Variants in TNPO1 observed in about 807,000 individuals in gnomAD.
TNPO1 encodes transportin-1.
In TNPO1, 8 loss-of-function variants were observed where a neutral mutation model predicts 119.5. That is an observed-to-expected ratio of 0.07 (90% CI 0.04 to 0.12). The LOEUF (loss-of-function observed/expected upper bound fraction) is 0.12. Among genes scored for constraint, TNPO1 ranks in the 10% least tolerant of loss-of-function variants. The probability of loss-of-function intolerance (pLI) is 1.00; values close to 1 mark genes in which losing one functional copy is unlikely to be tolerated. For missense variants in TNPO1, 576 were observed against 1,089.8 expected (o/e 0.53, Z 6.64); for synonymous variants, 362 against 363.0 (o/e 1.00, Z 0.03).
chr5:72,867,109 G>A (rs1746962951), intron 6 of TNPO1, among the ~76,000 whole-genome samples: 1 of 151,550 alleles, frequency 6.6e-6, no homozygotes, highest in South Asian at 2.1e-4. Flanking sequence ...TTGAACCCAG[G>A]AATTCAAGGC....
intron 7 of TNPO1, among the ~76,000 whole-genome samples, chr5:72,873,247 C>T (rs749609890): frequency 3.3e-5 from 5 of 152,090 alleles, no homozygotes. Context: ...ATTTTCTGGC[C>T]AGGAACCATA....
intron 7 of TNPO1, among the ~76,000 whole-genome samples, chr5:72,873,644 T>C (rs1266975222): frequency 1.3e-5 from 2 of 152,154 alleles, no homozygotes; most frequent in Non-Finnish European, 2.9e-5. Flanking sequence ...AGGTGTTTTC[T>C]TTCAGTCTAG....
At chr5:72,876,910 C>T (rs920351671) in intron 8 of TNPO1, among the ~76,000 whole-genome samples, 8 of 151,634 alleles carry the variant, frequency 5.3e-5, no homozygotes, top group African/African-American at 1.9e-4. Context: ...CTGGCTAACA[C>T]GGTGAAACCC....
At chr5:72,839,498 C>G (rs1207280020) in intron 1 of TNPO1, among the ~76,000 whole-genome samples, 1 of 152,138 alleles carries the variant, frequency 6.6e-6, no homozygotes, top group Non-Finnish European at 1.5e-5. Flanking sequence ...TTTTCTGTCA[C>G]TGTTAAATTA....
chr5:72,896,490 A>G lies in TNPO1; in HGVS notation c.2176A>G (p.Asn726Asp). Residue 726 changes from asparagine (N) to aspartate (D), a missense_variant, in exon 19 of 25, where the codon AAT becomes GAT. By Grantham distance (23) the Asn-to-Asp change is conservative. This residue lies in a region of TNPO1 where 162 missense variants were observed against 294.1 expected (regional missense o/e 0.55). Transcript: ENST00000337273. ...DFMPILGTNL[N>D]PEFISVCNNA... ...CATGCCAATATTGGGAACCAACCTA[A>G]ATCCAGAATTCATTTCAGTCTGCAA... is the stretch of plus-strand genomic sequence containing the variant. 6.2e-7 allele frequency: 1 copy of G among 1,612,180 alleles called. No homozygotes were observed. The highest frequency in any genetic ancestry group is 1.3e-5 in the African/African-American group (1 of 74,970).
chr5:72,850,545 G>A (rs758609894), intron 2 of TNPO1, among the ~76,000 whole-genome samples: 1 of 152,200 alleles, frequency 6.6e-6, no homozygotes, highest in Non-Finnish European at 1.5e-5. Flanking sequence ...CAATTGGGAA[G>A]CATGTTAGTT....
intron 1 of TNPO1, among the ~76,000 whole-genome samples, chr5:72,822,268 A>G (rs1743995174): frequency 6.6e-6 from 1 of 152,216 alleles, no homozygotes; most frequent in African/African-American, 2.4e-5. Context: ...GCTAGCAGGT[A>G]AACATGGAAT....
intron 4 of TNPO1, among the ~76,000 whole-genome samples, chr5:72,857,835 A>G (rs1746124661): frequency 6.6e-6 from 1 of 152,208 alleles, no homozygotes; most frequent in South Asian, 2.1e-4. Context: ...GGAGAGAAGA[A>G]TTGGTTTTAT....
intron 4 of TNPO1, among the ~76,000 whole-genome samples, chr5:72,857,316 CA>C (rs5868650): frequency 2.2e-3 from 302 of 135,944 alleles, no homozygotes; most frequent in East Asian, 3.5e-3. Context: ...AAATCTGTCT[CA>C]AAAAAAAAAA....
intron 11 of TNPO1, among the ~76,000 whole-genome samples, chr5:72,886,782 A>C (rs2879461): frequency 6.7e-6 from 1 of 149,560 alleles, no homozygotes; most frequent in African/African-American, 2.5e-5. Context: ...CCAGCTACTC[A>C]GGGGGCTAAA....
At chr5:72,889,636 A>G (rs986899684) in intron 13 of TNPO1, 150 bp from the exon 14 acceptor site, 1 of 668,926 alleles carries the variant, frequency 1.5e-6, no homozygotes, top group South Asian at 2.9e-5. Context: ...AATAATTCAC[A>G]GTGCTGATGA....
chr5:72,817,561 G>C (rs898523187), intron 1 of TNPO1, among the ~76,000 whole-genome samples: 7 of 152,182 alleles, frequency 4.6e-5, no homozygotes, highest in Non-Finnish European at 8.8e-5. Flanking sequence ...TCGCTAATCA[G>C]GATGGTCTAT....
chr5:72,885,742 G>T (rs1215270448), intron 11 of TNPO1, among the ~76,000 whole-genome samples: 10 of 92,630 alleles, frequency 1.1e-4, no homozygotes, highest in African/African-American at 3.3e-4. Flanking sequence ...GGTTTGGTTT[G>T]GTTTTTTTTT....
rs1750530671 is a variant in TNPO1 at position 72,910,989 on chromosome 5, C to G, written c.*2316C>G. The G allele has an allele frequency of 6.6e-6, 1 of 151,966 alleles. No individual in the cohort carries two copies. The highest frequency in any genetic ancestry group is 2.4e-5 in the African/African-American group (1 of 41,392). The allele number at this position is 151,966 out of a possible 1,614,324, so 9.4% of individuals were successfully genotyped here. The stretch of plus-strand genomic sequence containing the variant: ...TAGTACCATTGCTTCACTGGGAGCT[C>G]AAAATTTGCCTCCCTGTTAGTCTTT... On this transcript the variant is annotated 3_prime_UTR_variant, in exon 25 of 25. Transcript: ENST00000337273.
Position 72,877,339 on chromosome 5 carries a change from C to T in TNPO1, c.913C>T (p.Leu305Phe). 1.3e-6 allele frequency: 2 copies of T among 1,578,904 alleles called. No homozygotes were observed. Among genetic ancestry groups the T allele is most frequent in the Non-Finnish European group, 1.7e-6 (2 of 1,151,038 alleles). The part of the protein sequence containing the change: ...PICKDVLVRH[L>F]PKLIPVLVNG... ...ATGCAAAGATGTACTCGTAAGGCATCTTCCTAAGTAAGTGTTCCCTCTTAT... is the reference window on the plus strand; with the variant it reads ...ATGCAAAGATGTACTCGTAAGGCATTTTCCTAAGTAAGTGTTCCCTCTTAT... Residue 305 changes from leucine to phenylalanine, a missense_variant, in exon 9 of 25, where the codon CTT becomes TTT. Around this residue, in one of 6 missense-constraint regions of TNPO1, gnomAD observed 310 missense variants for 583.0 expected, o/e 0.53. Coordinates refer to ENST00000337273, the MANE Select transcript of TNPO1 (RefSeq NM_002270.4).
chr5:72,829,594 C>G (rs903062884), intron 1 of TNPO1, among the ~76,000 whole-genome samples: 1 of 152,156 alleles, frequency 6.6e-6, no homozygotes, highest in African/African-American at 2.4e-5. Context: ...AGAAGTAATG[C>G]CAGCTTTTGT....
At chr5:72,855,561 C>T (rs978012203) in intron 3 of TNPO1, among the ~76,000 whole-genome samples, 1 of 152,096 alleles carries the variant, frequency 6.6e-6, no homozygotes, top group African/African-American at 2.4e-5. Flanking sequence ...GGACAGCACC[C>T]TCCAACAAAT....
In TNPO1 at chr5:72,829,215, A is replaced by T. The variant is rs1244788688; in HGVS notation, c.15+12463A>T. 2.0e-5 allele frequency among the ~76,000 whole-genome samples: 3 copies of T among 152,252 alleles called. No individual in the cohort carries two copies. The South Asian group carries it at 6.2e-4, about 31-fold the overall frequency. ...GAAACATTGGAACCACAAGTGCTTC[A>T]GAATAGGCATTAGAATGCTCCATTG... On this transcript the variant is annotated intron_variant, in intron 1 of 24. Transcript: ENST00000337273.
intron 1 of TNPO1, among the ~76,000 whole-genome samples, chr5:72,841,307 T>C (rs1315397482): frequency 2.0e-5 from 3 of 151,978 alleles, no homozygotes; most frequent in Non-Finnish European, 4.4e-5. Context: ...TTAGTAGAGA[T>C]GGGGTTTCAC....
Sources: allele counts gnomAD v4.1 joint callset (sites outside exome capture counted in the v4.1 genomes callset), GRCh38; gene constraint gnomAD v4.1.1; regional missense constraint gnomAD v4.1.1; transcripts MANE v1.5; gene names NCBI Gene and HGNC (gene_info 2026-07-23, HGNC 2026-07-21).